SPOCK1: variants seen among roughly 807,000 people sequenced by gnomAD.
The protein encoded by SPOCK1 is SPARC (osteonectin), cwcv and kazal like domains proteoglycan 1.
SPOCK1 carries 23 observed loss-of-function variants against 55.3 expected under a neutral mutation model. That is an observed-to-expected ratio of 0.42 (90% confidence interval 0.30 to 0.59). The LOEUF (loss-of-function observed/expected upper bound fraction) is 0.59. Ranked by LOEUF, SPOCK1 falls within the 20% of genes least tolerant of loss-of-function variation. The pLI, the probability that SPOCK1 is intolerant of heterozygous loss-of-function variation, is 0.22. For synonymous variants in SPOCK1, 226 were observed against 221.0 expected, an observed-to-expected ratio of 1.02 and a Z score of -0.20; for missense variants, 499 against 552.5, an observed-to-expected ratio of 0.90 and a Z score of 0.97.
intron 5 of SPOCK1, among the ~76,000 whole-genome samples, chr5:137,108,451 C>T (rs1180760318): frequency 6.6e-6 from 1 of 152,184 alleles, no homozygotes; most frequent in Non-Finnish European, 1.5e-5. Flanking sequence ...AGAACCAACA[C>T]CCATGCCATT....
Position 137,112,449 on chromosome 5 carries a change from A to C in SPOCK1, c.460T>G (p.Ser154Ala). The C allele has an allele frequency of 1.2e-6, 2 of 1,613,656 alleles. No individual in the cohort carries two copies. The highest frequency in any genetic ancestry group is 1.7e-6 in the Non-Finnish European group (2 of 1,179,916). ...AGAAAACCAACCTTGGATGTGTAGG[A>C]GTGGCCATCTGAGCCGCAGACCATG... ...SAMVCGSDGHSYTSKCKLEFH... is the reference protein window; with the variant it reads ...SAMVCGSDGHAYTSKCKLEFH... Residue 154 changes from serine to alanine, a missense_variant, in exon 5 of 11, where the codon TCC becomes GCC. Physicochemically the swap from Ser to Ala is moderately conservative, Grantham distance 99. This residue lies in a region of SPOCK1 where 386 missense variants were observed against 400.6 expected (regional missense o/e 0.96). Transcript: ENST00000394945.
intron 2 of SPOCK1, among the ~76,000 whole-genome samples, chr5:137,306,340 G>A (rs182646424): frequency 2.5e-4 from 38 of 152,250 alleles, no homozygotes; most frequent in Admixed American, 2.0e-3. Context: ...GAGTGTCCCC[G>A]ATAACGCAGC....
chr5:137,089,005 A>G (rs4976404), intron 5 of SPOCK1, among the ~76,000 whole-genome samples: 116,425 of 151,994 alleles, frequency 0.77, 45,189 homozygotes, highest in East Asian at 1. Context: ...AAGCATAGTC[A>G]ACATGCCGAG....
intron 6 of SPOCK1, among the ~76,000 whole-genome samples, chr5:137,023,633 T>A (rs548398188): frequency 6.6e-6 from 1 of 152,152 alleles, no homozygotes; most frequent in East Asian, 1.9e-4. Context: ...GTGCTACCGA[T>A]GGACAGAAGG....
At chr5:137,123,414 C>A (rs1580762659) in intron 4 of SPOCK1, among the ~76,000 whole-genome samples, 2 of 152,296 alleles carry the variant, frequency 1.3e-5, no homozygotes, top group East Asian at 3.9e-4. Flanking sequence ...CACCTCCACA[C>A]ACATTTGCCC....
At chr5:137,392,594 T>G (rs888634111) in intron 2 of SPOCK1, among the ~76,000 whole-genome samples, 12 of 152,196 alleles carry the variant, frequency 7.9e-5, no homozygotes, top group Non-Finnish European at 1.3e-4. Flanking sequence ...CTGTGTGACC[T>G]TAGACAAGCT....
rs77738602 is a variant in SPOCK1, at chr5:137,206,357, G to A, written c.232+60653C>T. ...CGGCCTCCTAGGCCACCCACGCTGG[G>A]TTCACCTGCCTATCTCTACCCAGCT... On this transcript the variant is annotated intron_variant, in intron 3 of 10. Transcript: ENST00000394945. 5.7e-4 allele frequency among the ~76,000 whole-genome samples: 87 copies of A among 152,356 alleles called. 5 individuals are homozygous for A. In the East Asian group the frequency reaches 0.017, roughly 29 times the overall value.
chr5:137,063,659 C>T (rs1156692506), intron 6 of SPOCK1, among the ~76,000 whole-genome samples: 1 of 152,166 alleles, frequency 6.6e-6, no homozygotes, highest in Non-Finnish European at 1.5e-5. Flanking sequence ...TTGGATTCTC[C>T]TCTCCATAAT....
In SPOCK1 at chr5:137,016,533, AG is replaced by A. The variant is rs1231508149; in HGVS notation, c.590-23934del. Reference sequence around the variant, plus strand: ...AAACAATAAATTTTCTGTGGGAAACAGGCTTGTACTAAAAAACCCAGATTAT... The same window carrying A: ...AAACAATAAATTTTCTGTGGGAAACAGCTTGTACTAAAAAACCCAGATTAT... On this transcript the variant is annotated intron_variant, in intron 6 of 10. Transcript: ENST00000394945. Among the ~76,000 whole-genome samples, 6 of 152,368 alleles carry A rather than the reference AG, an allele frequency of 3.9e-5. No homozygotes were observed. The East Asian group carries it at 1.2e-3, about 29-fold the overall frequency.
At chr5:137,022,370 C>T (rs1561582263) in intron 6 of SPOCK1, among the ~76,000 whole-genome samples, 1 of 152,116 alleles carries the variant, frequency 6.6e-6, no homozygotes, top group African/African-American at 2.4e-5. Context: ...GCACTATCTG[C>T]CTGCAACCAC....
At chr5:137,479,065 G>A (rs550503660) in intron 2 of SPOCK1, among the ~76,000 whole-genome samples, 29 of 151,618 alleles carry the variant, frequency 1.9e-4, no homozygotes, top group African/African-American at 5.6e-4. Context: ...TTTTCCCACC[G>A]AGGTGTGTTC....
chr5:137,097,974 G>T (rs1214504481), intron 5 of SPOCK1, among the ~76,000 whole-genome samples: 1 of 152,182 alleles, frequency 6.6e-6, no homozygotes, highest in African/African-American at 2.4e-5. Flanking sequence ...GCAAATGGAA[G>T]GTGTAATGTA....
At chr5:136,996,654 C>G (rs1050503725) in intron 6 of SPOCK1, among the ~76,000 whole-genome samples, 7 of 152,120 alleles carry the variant, frequency 4.6e-5, no homozygotes. Context: ...TTCTGTCTTA[C>G]AAGAGGATTA....
chr5:137,299,412 G>C lies in SPOCK1; in HGVS notation c.187-32357C>G, dbSNP rs569579763. Among the ~76,000 whole-genome samples, 3 of 151,858 alleles carry C rather than the reference G, an allele frequency of 2.0e-5. No homozygotes were observed. The East Asian group carries it at 5.8e-4, about 29-fold the overall frequency. On this transcript the variant is annotated intron_variant, in intron 2 of 10. Transcript: ENST00000394945. ...CAAATTACTGTCTTTTAAATAAACTGAGAAGAAAAATATATACATATATAG... is the reference window on the plus strand; with the variant it reads ...CAAATTACTGTCTTTTAAATAAACTCAGAAGAAAAATATATACATATATAG...
intron 2 of SPOCK1, among the ~76,000 whole-genome samples, chr5:137,482,800 G>C (rs1183970347): frequency 1.3e-5 from 2 of 152,172 alleles, no homozygotes; most frequent in African/African-American, 2.4e-5. Flanking sequence ...CATCCATCTG[G>C]AGACTGTCAG....
chr5:137,053,606 G>T (rs868753409), intron 6 of SPOCK1, among the ~76,000 whole-genome samples: 15 of 144,652 alleles, frequency 1.0e-4, no homozygotes, highest in Middle Eastern at 3.5e-3. Flanking sequence ...ACTCCATAGT[G>T]CCACTGGGGA....
rs141657843 is a variant in SPOCK1 at position 137,469,008 on chromosome 5, A to G, written c.186+29365T>C. On this transcript the variant is annotated intron_variant, in intron 2 of 10. Coordinates refer to ENST00000394945, the MANE Select transcript of SPOCK1 (RefSeq NM_004598.4). The stretch of plus-strand genomic sequence containing the variant: ...TTAATAAAAGAGTTAACCTTTTAAA[A>G]TAGTTTTGATAAACTGTAGGAAGCT... Among the ~76,000 whole-genome samples, 8 of 152,330 alleles carry G rather than the reference A, an allele frequency of 5.3e-5. No homozygotes were observed. In the East Asian group the frequency reaches 1.5e-3, roughly 29 times the overall value.
At chr5:137,434,158 C>T (rs572913860) in intron 2 of SPOCK1, among the ~76,000 whole-genome samples, 11 of 152,278 alleles carry the variant, frequency 7.2e-5, no homozygotes, top group African/African-American at 1.4e-4. Flanking sequence ...GTTGCTGAAC[C>T]GAACACTGGT....
chr5:137,065,738 C>A (rs1752495643), intron 6 of SPOCK1, among the ~76,000 whole-genome samples: 1 of 152,158 alleles, frequency 6.6e-6, no homozygotes, highest in Non-Finnish European at 1.5e-5. Flanking sequence ...GTAGTCTGTG[C>A]TTTTGTAAAC....
Sources: gnomAD v4.1 joint callset for allele counts (sites outside exome capture counted in the v4.1 genomes callset) on GRCh38, gnomAD v4.1.1 for gene constraint, gnomAD v4.1.1 regional missense constraint, MANE v1.5 for transcripts, NCBI Gene and HGNC (gene_info 2026-07-23, HGNC 2026-07-21) for gene names.